Variants in GTF2H5 observed in about 807,000 individuals in gnomAD.
GTF2H5 encodes TFB5 ortholog.
Under a neutral mutation model 7.1 loss-of-function variants are expected in GTF2H5, and 5 were observed. The ratio of observed to expected loss-of-function variants is 0.71; its 90% confidence interval spans 0.37 to 1.49. The LOEUF (loss-of-function observed/expected upper bound fraction) is 1.49, where lower values mean the gene tolerates loss of function less well. Among genes scored for constraint, GTF2H5 ranks in the 40% most tolerant of loss-of-function variants. GTF2H5 has a pLI of 0.03. For synonymous variants in GTF2H5, 30 were observed against 31.7 expected, an observed-to-expected ratio of 0.95 and a Z score of 0.18; for missense variants, 80 against 83.0, an observed-to-expected ratio of 0.96 and a Z score of 0.14.
In GTF2H5 at chr6:158,196,023, T is replaced by G. The variant is rs1777101201; in HGVS notation, c.*3866T>G. ...TGGGCCGGGCGCGGTGGCTCACGTCTATAATCCTAGCACTTTGGGAGGCCG... is the reference window on the plus strand; with the variant it reads ...TGGGCCGGGCGCGGTGGCTCACGTCGATAATCCTAGCACTTTGGGAGGCCG... On this transcript the variant is annotated 3_prime_UTR_variant, in exon 3 of 3. Transcript: ENST00000607778. The G allele has an allele frequency of 6.6e-6, 1 of 152,196 alleles. No individual in the cohort carries two copies. Among genetic ancestry groups the G allele is most frequent in the Non-Finnish European group, 1.5e-5 (1 of 68,056 alleles). 9.4% of individuals were successfully genotyped at this position (152,196 alleles called of 1,614,324 possible).
At chr6:158,172,646 A>G (rs1169851781) in intron 2 of GTF2H5, among the ~76,000 whole-genome samples, 2 of 152,074 alleles carry the variant, frequency 1.3e-5, no homozygotes, top group Non-Finnish European at 2.9e-5. Context: ...TTTGCCAAAT[A>G]TCTAGTTCTC....
At chr6:158,175,374 G>A (rs1205713735) in intron 2 of GTF2H5, among the ~76,000 whole-genome samples, 2 of 152,206 alleles carry the variant, frequency 1.3e-5, no homozygotes, top group Non-Finnish European at 2.9e-5. Flanking sequence ...AGCTGCTGAT[G>A]GAAGTGTAAT....
chr6:158,169,745 T>TAATATATTGTATATTA lies in GTF2H5; in HGVS notation c.-34-725_-34-724insAATATATTGTATATTA, dbSNP rs374070331. 9.3e-5 allele frequency among the ~76,000 whole-genome samples: 5 copies of TAATATATTGTATATTA among 54,052 alleles called. 1 individual carries two copies. Among genetic ancestry groups the TAATATATTGTATATTA allele is most frequent in the Non-Finnish European group, 1.5e-4 (5 of 33,994 alleles). The allele number at this position is 54,052 out of a possible 152,430, so 35.5% of individuals were successfully genotyped here. ...TATATAATATATTGTATATTATATA[T>TAATATATTGTATATTA]TATATAATATATTGTATATTATATA... On this transcript the variant is annotated intron_variant, in intron 1 of 2. Coordinates refer to ENST00000607778, the MANE Select transcript of GTF2H5 (RefSeq NM_207118.3).
Position 158,168,377 on chromosome 6 carries a change from T to C in GTF2H5, c.-53T>C, listed in dbSNP as rs1216461633. 3 of 152,346 alleles carry C rather than the reference T, an allele frequency of 2.0e-5. No individual in the cohort carries two copies. Among genetic ancestry groups the C allele is most frequent in the Non-Finnish European group, 4.4e-5 (3 of 68,150 alleles). 9.4% of individuals were successfully genotyped at this position (152,346 alleles called of 1,614,324 possible). ...ACTCTGCCGGCAACGCCGAGGCGCT[T>C]CTGCATCTGTGGGCCGAGGTGTGTG... is the stretch of plus-strand genomic sequence containing the variant. On this transcript the variant is annotated 5_prime_UTR_variant, in exon 1 of 3. Transcript: ENST00000607778.
At chr6:158,172,259 C>T (rs753504700) in intron 2 of GTF2H5, among the ~76,000 whole-genome samples, 1 of 150,972 alleles carries the variant, frequency 6.6e-6, no homozygotes, top group East Asian at 1.9e-4. Context: ...TAGATTCATT[C>T]ATCTAGAATT....
intron 2 of GTF2H5, among the ~76,000 whole-genome samples, chr6:158,186,115 G>A (rs1023162416): frequency 2.6e-5 from 4 of 152,134 alleles, no homozygotes; most frequent in African/African-American, 9.7e-5. Context: ...TGATTTAAAG[G>A]CAATTTAAAG....
At chr6:158,183,819 T>A (rs192358990) in intron 2 of GTF2H5, among the ~76,000 whole-genome samples, 174 of 152,332 alleles carry the variant, frequency 1.1e-3, no homozygotes, top group Non-Finnish European at 1.6e-3. Context: ...TAGCTTCCCT[T>A]GGCTAGGAAA....
In GTF2H5 at chr6:158,198,377, G is replaced by A. The variant is rs599345; in HGVS notation, c.*6220G>A. ...ATGTTTGGATCACAATCCATTGAAA[G>A]ACTAGGCTATTTTTTCACTGTCCTC... On this transcript the variant is annotated 3_prime_UTR_variant, in exon 3 of 3. Coordinates refer to ENST00000607778, the MANE Select transcript of GTF2H5 (RefSeq NM_207118.3). 0.82 allele frequency: 124,364 copies of A among 152,284 alleles called. 51,514 individuals carry two copies. Among genetic ancestry groups the A allele is most frequent in the East Asian group, 0.99 (5,158 of 5,192 alleles). 9.4% of individuals were successfully genotyped at this position (152,284 alleles called of 1,614,324 possible). A position where few individuals can be genotyped will look rare whatever the true frequency, so the allele number is the denominator to read the frequency against.
At chr6:158,180,185 C>T (rs1345706673) in intron 2 of GTF2H5, among the ~76,000 whole-genome samples, 3 of 152,190 alleles carry the variant, frequency 2.0e-5, no homozygotes, top group South Asian at 2.1e-4. Context: ...TATTGATTTG[C>T]GTATGTTGAA....
chr6:158,192,089 G>T lies in GTF2H5; in HGVS notation c.148G>T (p.Val50Phe), dbSNP rs752081189. ...TCACGTCTTTGTAATAGCAGAATTG[G>T]TTAATGTCCTCCAGGAGCGAGTGGG... is the stretch of plus-strand genomic sequence containing the variant. ...DTHVFVIAEL[V>F]NVLQERVGEL... Residue 50 changes from valine (V) to phenylalanine (F), a missense_variant, in exon 3 of 3, where the codon GTT (valine) becomes TTT (phenylalanine). Physicochemically the swap from Val to Phe is conservative, Grantham distance 50. Coordinates refer to ENST00000607778, the MANE Select transcript of GTF2H5 (RefSeq NM_207118.3). 6.2e-7 allele frequency: 1 copy of T among 1,613,946 alleles called. No homozygotes were observed. The highest frequency in any genetic ancestry group is 1.1e-5 in the South Asian group (1 of 91,064).
chr6:158,169,597 AT>A (rs1785768005), intron 1 of GTF2H5, among the ~76,000 whole-genome samples: 1 of 87,654 alleles, frequency 1.1e-5, no homozygotes, highest in African/African-American at 4.9e-5. Context: ...TATATTGTAT[AT>A]TACATATATT....
intron 2 of GTF2H5, among the ~76,000 whole-genome samples, chr6:158,180,558 G>C (rs1285581846): frequency 6.6e-6 from 1 of 152,112 alleles, no homozygotes; most frequent in Non-Finnish European, 1.5e-5. Flanking sequence ...ATCTGCTGTT[G>C]GTCTATTCAG....
intron 2 of GTF2H5, among the ~76,000 whole-genome samples, chr6:158,182,792 G>T (rs911112372): frequency 1.9e-4 from 29 of 151,912 alleles, no homozygotes; most frequent in African/African-American, 6.8e-4. Flanking sequence ...TTTTTTCAAG[G>T]TTTTTAGCTT....
chr6:158,184,931 A>T (rs955820173), intron 2 of GTF2H5, among the ~76,000 whole-genome samples: 6 of 152,294 alleles, frequency 3.9e-5, no homozygotes, highest in South Asian at 4.1e-4. Context: ...AGAAGGTTTC[A>T]TGATATCTGC....
In GTF2H5 at chr6:158,197,473, A is replaced by G. The variant is rs1434186083; in HGVS notation, c.*5316A>G. On this transcript the variant is annotated 3_prime_UTR_variant, in exon 3 of 3. Coordinates refer to ENST00000607778, the MANE Select transcript of GTF2H5 (RefSeq NM_207118.3). Reference sequence around the variant, plus strand: ...CTTTACCAGTATGACCCTCAAGACAAAATACAAAACAATGGCTACCAAGAG... The same window carrying G: ...CTTTACCAGTATGACCCTCAAGACAGAATACAAAACAATGGCTACCAAGAG... 6.6e-6 allele frequency: 1 copy of G among 152,398 alleles called. No individual in the cohort carries two copies. Among genetic ancestry groups the G allele is most frequent in the East Asian group, 1.9e-4 (1 of 5,198 alleles). 9.4% of individuals were successfully genotyped at this position (152,398 alleles called of 1,614,324 possible). A position where few individuals can be genotyped will look rare whatever the true frequency, so the allele number is the denominator to read the frequency against.
chr6:158,175,427 C>A (rs933687601), intron 2 of GTF2H5, among the ~76,000 whole-genome samples: 4 of 152,144 alleles, frequency 2.6e-5, no homozygotes, highest in African/African-American at 9.7e-5. Flanking sequence ...GTGTTTTGTG[C>A]TTTTATATCC....
chr6:158,185,023 T>C (rs1776889166), intron 2 of GTF2H5, among the ~76,000 whole-genome samples: 1 of 152,130 alleles, frequency 6.6e-6, no homozygotes, highest in African/African-American at 2.4e-5. Flanking sequence ...TATATGCTCT[T>C]GGCTTTGGGT....
chr6:158,192,114 G>A lies in GTF2H5; in HGVS notation c.173G>A (p.Gly58Asp), dbSNP rs574301850. The A allele has an allele frequency of 1.2e-6, 2 of 1,613,646 alleles. No individual in the cohort carries two copies. The highest frequency in any genetic ancestry group is 2.2e-5 in the South Asian group (2 of 91,066). ...GTTAATGTCCTCCAGGAGCGAGTGG[G>A]TGAATTAATGGACCAAAATGCTTTT... ...ELVNVLQERV[G>D]ELMDQNAFSL... Residue 58 changes from glycine (G) to aspartate (D), a missense_variant, in exon 3 of 3, where the codon GGT (glycine) becomes GAT (aspartate). Physicochemically the swap from Gly to Asp is moderately conservative, Grantham distance 94. Transcript: ENST00000607778.
At chr6:158,187,301 C>G (rs1231870255) in intron 2 of GTF2H5, among the ~76,000 whole-genome samples, 1 of 151,834 alleles carries the variant, frequency 6.6e-6, no homozygotes, top group East Asian at 1.9e-4. Context: ...TGGCCCAGAG[C>G]TCTTATCAGA....
Sources: allele counts gnomAD v4.1 joint callset (sites outside exome capture counted in the v4.1 genomes callset), GRCh38; gene constraint gnomAD v4.1.1; transcripts MANE v1.5; gene names NCBI Gene and HGNC (gene_info 2026-07-23, HGNC 2026-07-21).